The following HHAT variants were observed in gnomAD, a reference collection of about 807,000 sequenced individuals.
The protein encoded by HHAT is hedgehog acyltransferase.
In HHAT, 47 loss-of-function variants were observed where a neutral mutation model predicts 70.8. That is an observed-to-expected ratio of 0.66 (90% confidence interval 0.53 to 0.85). The LOEUF (loss-of-function observed/expected upper bound fraction) is 0.85. Ranked by LOEUF, HHAT falls within the 40% of genes least tolerant of loss-of-function variation. HHAT has a pLI of 0.00. For synonymous variants in HHAT, 228 were observed against 247.6 expected (o/e 0.92, Z 0.74); for missense variants, 609 against 604.8 (o/e 1.01, Z -0.07).
chr1:210,485,105 C>T (rs1053188131), intron 8 of HHAT, among the ~76,000 whole-genome samples: 9 of 152,034 alleles, frequency 5.9e-5, no homozygotes, highest in Non-Finnish European at 1.3e-4. Flanking sequence ...ACCAGAAGAA[C>T]AAGAGAGAGA....
At chr1:210,505,982 G>A (rs1385608588) in intron 8 of HHAT, among the ~76,000 whole-genome samples, 2 of 152,210 alleles carry the variant, frequency 1.3e-5, no homozygotes, top group Non-Finnish European at 2.9e-5. Context: ...GCCTGTTAGA[G>A]CAGAACAAGT....
intron 6 of HHAT, among the ~76,000 whole-genome samples, chr1:210,405,247 C>T (rs545841907): frequency 3.3e-5 from 5 of 152,204 alleles, no homozygotes; most frequent in Non-Finnish European, 7.4e-5. Flanking sequence ...CGCCTGCCTT[C>T]CTCGGACGGC....
At position 210,365,178 on chromosome 1, in the gene HHAT, A is replaced by C. The variant is rs143302336; in HGVS notation, c.159+2259A>C. Among the ~76,000 whole-genome samples the C allele has an allele frequency of 2.0e-4, 31 of 152,268 alleles. 1 individual carries two copies. Among genetic ancestry groups the C allele is most frequent in the African/African-American group, 5.3e-4 (22 of 41,544 alleles). ...GGCAAGCACATGCTATTTTGGTCCAAATTCTAATCAAAAGAAGATATTAGA... is the reference window on the plus strand; with the variant it reads ...GGCAAGCACATGCTATTTTGGTCCACATTCTAATCAAAAGAAGATATTAGA... On this transcript the variant is annotated intron_variant, in intron 3 of 11. Transcript: ENST00000261458.
At chr1:210,577,676 C>T (rs1200265419) in intron 9 of HHAT, among the ~76,000 whole-genome samples, 1 of 80,170 alleles carries the variant, frequency 1.2e-5, no homozygotes, top group Non-Finnish European at 2.4e-5. Flanking sequence ...GAAATGGAGT[C>T]TCACTCTGTC....
intron 2 of HHAT, among the ~76,000 whole-genome samples, chr1:210,359,579 G>C (rs1254747055): frequency 6.6e-6 from 1 of 151,956 alleles, no homozygotes; most frequent in Non-Finnish European, 1.5e-5. Flanking sequence ...TTTCATCTCC[G>C]ACCTGACCAA....
At chr1:210,582,102 C>T (rs1272928360) in intron 9 of HHAT, among the ~76,000 whole-genome samples, 2 of 152,112 alleles carry the variant, frequency 1.3e-5, no homozygotes, top group Non-Finnish European at 2.9e-5. Flanking sequence ...AAGAGACTTC[C>T]TGGAGTTGGG....
At chr1:210,559,375 A>G (rs1365572733) in intron 9 of HHAT, among the ~76,000 whole-genome samples, 2 of 152,212 alleles carry the variant, frequency 1.3e-5, no homozygotes, top group Non-Finnish European at 2.9e-5. Flanking sequence ...TATCTGTTGA[A>G]TAAATGGAGT....
chr1:210,436,436 T>C (rs2093376630), intron 7 of HHAT, among the ~76,000 whole-genome samples: 1 of 151,764 alleles, frequency 6.6e-6, no homozygotes, highest in African/African-American at 2.4e-5. Context: ...CAGGGTTGCT[T>C]TGGCTATTCG....
chr1:210,485,526 A>G (rs1261143208), intron 8 of HHAT, among the ~76,000 whole-genome samples: 4 of 152,072 alleles, frequency 2.6e-5, no homozygotes, highest in South Asian at 4.1e-4. Flanking sequence ...TGAGGTCTCT[A>G]TATCAGTCAA....
At chr1:210,383,172 T>C (rs185633362) in intron 3 of HHAT, among the ~76,000 whole-genome samples, 11 of 152,232 alleles carry the variant, frequency 7.2e-5, no homozygotes, top group African/African-American at 2.2e-4. Flanking sequence ...AAACCCCGTA[T>C]CTACTAAAAC....
chr1:210,507,293 A>G (rs1366627688), intron 8 of HHAT, among the ~76,000 whole-genome samples: 8 of 151,670 alleles, frequency 5.3e-5, no homozygotes, highest in Admixed American at 4.6e-4. Context: ...TTCTTTTCCT[A>G]CTGTAGCTCC....
intron 3 of HHAT, chr1:210,374,044 T>C (rs755167402): frequency 2.0e-5 from 3 of 152,230 alleles, no homozygotes; most frequent in African/African-American, 7.2e-5. Context: ...GTTAACTGTC[T>C]TTGCAAGTTC....
At chr1:210,654,080 G>GCA (rs1675812939) in intron 11 of HHAT, among the ~76,000 whole-genome samples, 1 of 6,522 alleles carries the variant, frequency 1.5e-4, no homozygotes, top group Non-Finnish European at 3.6e-4. Context: ...TAGTGTGACG[G>GCA]GAGTAGTGTG....
At position 210,328,915 on chromosome 1, in the gene HHAT, G is replaced by C. The variant is rs1185326611; in HGVS notation, c.-233G>C. 2.2e-6 allele frequency: 2 copies of C among 905,480 alleles called. No individual in the cohort carries two copies. Among genetic ancestry groups the C allele is most frequent in the Non-Finnish European group, 2.9e-6 (2 of 687,532 alleles). The allele number at this position is 905,480 out of a possible 1,614,324, so 56.1% of individuals were successfully genotyped here. On this transcript the variant is annotated 5_prime_UTR_variant, in exon 1 of 12. Coordinates refer to ENST00000261458, the MANE Select transcript of HHAT (RefSeq NM_018194.6). ...CGGAGGGCGCGCGGGCACGGCGGCA[G>C]GGGCGTGCTCGGAGGACGCGCGCTG... is the stretch of plus-strand genomic sequence containing the variant.
At chr1:210,508,558 C>T (rs1384073436) in intron 8 of HHAT, among the ~76,000 whole-genome samples, 1 of 152,064 alleles carries the variant, frequency 6.6e-6, no homozygotes, top group Non-Finnish European at 1.5e-5. Flanking sequence ...TTAAGCCAAA[C>T]CTTTAGCGTC....
intron 9 of HHAT, among the ~76,000 whole-genome samples, chr1:210,573,684 C>T (rs1656906666): frequency 1.3e-5 from 2 of 152,188 alleles, no homozygotes; most frequent in Non-Finnish European, 1.5e-5. Flanking sequence ...GGCATGTGTC[C>T]CCCCATCAGT....
At chr1:210,553,355 G>A (rs1386457534) in intron 9 of HHAT, among the ~76,000 whole-genome samples, 1 of 152,216 alleles carries the variant, frequency 6.6e-6, no homozygotes, top group African/African-American at 2.4e-5. Flanking sequence ...TGGGGTCAGA[G>A]AGGCTACAGA....
rs143965506 is a variant in HHAT at position 210,586,076 on chromosome 1, G to A, written c.1044-1822G>A. On this transcript the variant is annotated intron_variant, in intron 9 of 11. Coordinates refer to ENST00000261458, the MANE Select transcript of HHAT (RefSeq NM_018194.6). ...GAGAGAGTCTTTGTCCAGTGGCACA[G>A]TTTTATCATAGAGTCTTTTAAAAGA... 6.2e-4 allele frequency among the ~76,000 whole-genome samples: 94 copies of A among 152,266 alleles called. 1 individual carries two copies. The highest frequency in any genetic ancestry group is 2.2e-3 in the African/African-American group (90 of 41,558).
At chr1:210,575,191 T>C (rs1041382670) in intron 9 of HHAT, among the ~76,000 whole-genome samples, 2 of 152,170 alleles carry the variant, frequency 1.3e-5, no homozygotes, top group African/African-American at 2.4e-5. Flanking sequence ...CCCTTCCTCA[T>C]ATGGACATCC....
Sources: gnomAD v4.1 joint callset for allele counts (sites outside exome capture counted in the v4.1 genomes callset) on GRCh38, gnomAD v4.1.1 for gene constraint, MANE v1.5 for transcripts, NCBI Gene and HGNC (gene_info 2026-07-23, HGNC 2026-07-21) for gene names.